Variants in GAP43 observed in about 807,000 individuals in gnomAD.
The protein encoded by GAP43 is neuromodulin.
Under a neutral mutation model 18.6 loss-of-function variants are expected in GAP43, and 6 were observed. That is an observed-to-expected ratio of 0.32 (90% CI 0.18 to 0.64). The LOEUF (loss-of-function observed/expected upper bound fraction) is 0.64, where lower values mean the gene tolerates loss of function less well. Ranked by LOEUF, GAP43 falls within the 30% of genes least tolerant of loss-of-function variation. The probability of loss-of-function intolerance (pLI) is 0.78; values close to 1 mark genes in which losing one functional copy is unlikely to be tolerated. For missense variants in GAP43, 292 were observed against 295.5 expected, an observed-to-expected ratio of 0.99 and a Z score of 0.09; for synonymous variants, 115 against 111.4, an observed-to-expected ratio of 1.03 and a Z score of -0.20.
intron 2 of GAP43, among the ~76,000 whole-genome samples, chr3:115,683,829 C>CT (rs199991064): frequency 2.0e-5 from 3 of 152,008 alleles, no homozygotes; most frequent in Admixed American, 6.6e-5. Flanking sequence ...TCTTCCAATT[C>CT]TTTTTTTTAA....
At chr3:115,698,153 T>TAAAATATATTAA (rs1709236182) in intron 2 of GAP43, among the ~76,000 whole-genome samples, 1 of 57,600 alleles carries the variant, frequency 1.7e-5, no homozygotes, top group Non-Finnish European at 3.1e-5. Context: ...ATATATTATA[T>TAAAATATATTAA]ATAATATATA....
Position 115,676,161 on chromosome 3 carries a change from A to G in GAP43, c.179A>G (p.Gln60Arg), listed in dbSNP as rs1391371261. 1 of 1,614,066 alleles carries G rather than the reference A, an allele frequency of 6.2e-7. No homozygotes were observed. Among genetic ancestry groups the G allele is most frequent in the Non-Finnish European group, 8.5e-7 (1 of 1,180,038 alleles). The change falls in exon 2 of 3, where the codon CAA becomes CGA. Residue 60 changes from glutamine to arginine, a missense_variant. Gln to Arg is a conservative substitution (Grantham distance 43, BLOSUM62 1). Coordinates refer to ENST00000305124, the MANE Select transcript of GAP43 (RefSeq NM_002045.4). The part of the protein sequence containing the change: ...KLKGEKKDDV[Q>R]AAEAEANKKD... ...AAAGGAGAGAAGAAGGATGATGTCC[A>G]AGCTGCTGAGGCTGAAGCTAATAAG...
intron 1 of GAP43, among the ~76,000 whole-genome samples, chr3:115,646,189 T>C (rs2028247): frequency 0.055 from 8,423 of 152,184 alleles, 518 homozygotes; most frequent in East Asian, 0.15. Flanking sequence ...AAACAGATTG[T>C]CTGGCCTAGG....
chr3:115,663,578 C>T (rs1287576255), intron 1 of GAP43: 3 of 1,303,004 alleles, frequency 2.3e-6, no homozygotes, highest in African/African-American at 1.5e-5. Flanking sequence ...TGAATTTTCC[C>T]TGTCAAAATC....
intron 2 of GAP43, among the ~76,000 whole-genome samples, chr3:115,701,379 A>G (rs1195691222): frequency 6.6e-6 from 1 of 151,902 alleles, no homozygotes; most frequent in Non-Finnish European, 1.5e-5. Flanking sequence ...TATCATTGTT[A>G]TTCCGGGGGT....
chr3:115,705,052 C>G (rs909197281), intron 2 of GAP43, among the ~76,000 whole-genome samples: 1 of 151,972 alleles, frequency 6.6e-6, no homozygotes, highest in African/African-American at 2.4e-5. Context: ...TGTGTAGATA[C>G]AGCCATAAGG....
intron 2 of GAP43, among the ~76,000 whole-genome samples, chr3:115,709,391 A>G (rs824345): frequency 0.99 from 151,214 of 152,286 alleles, 75,093 homozygotes; most frequent in East Asian, 1. Flanking sequence ...TTGAGTTTGC[A>G]AAGGCTGGAG....
rs555682207 is a variant in GAP43 at position 115,703,105 on chromosome 3, G to A, written c.629-17689G>A. ...TAAAGAGTACTTAAGGAAAGATAAA[G>A]AACAATGGTAAATGAGAAAAGGCCT... On this transcript the variant is annotated intron_variant, in intron 2 of 2. Transcript: ENST00000305124. Among the ~76,000 whole-genome samples the A allele has an allele frequency of 9.9e-5, 15 of 152,104 alleles. No individual in the cohort carries two copies. In the South Asian group the frequency reaches 3.1e-3, roughly 32 times the overall value.
Position 115,717,119 on chromosome 3 carries a change from G to A in GAP43, c.629-3675G>A, listed in dbSNP as rs530512711. Among the ~76,000 whole-genome samples the A allele has an allele frequency of 5.9e-5, 9 of 152,074 alleles. 1 individual carries two copies. In the South Asian group the frequency reaches 1.9e-3, roughly 32 times the overall value. ...TTCAGTGTCATCACCTGTAAAATGA[G>A]GCTGTCCAGTCATTCCTTCACTCAA... On this transcript the variant is annotated intron_variant, in intron 2 of 2. Coordinates refer to ENST00000305124, the MANE Select transcript of GAP43 (RefSeq NM_002045.4).
chr3:115,648,623 T>C (rs1708487071), intron 1 of GAP43, among the ~76,000 whole-genome samples: 1 of 151,992 alleles, frequency 6.6e-6, no homozygotes, highest in Non-Finnish European at 1.5e-5. Flanking sequence ...TAATTGAAGG[T>C]CCAGAAGTGG....
intron 2 of GAP43, among the ~76,000 whole-genome samples, chr3:115,679,859 C>G (rs1463593152): frequency 6.6e-6 from 1 of 152,156 alleles, no homozygotes; most frequent in African/African-American, 2.4e-5. Context: ...AAGTGTAGCT[C>G]TGAGTGACTT....
At chr3:115,656,788 C>T (rs58318048) in intron 1 of GAP43, among the ~76,000 whole-genome samples, 1 of 151,990 alleles carries the variant, frequency 6.6e-6, no homozygotes, top group African/African-American at 2.4e-5. Context: ...ACAGAAATAA[C>T]CTAAAATTTC....
chr3:115,720,013 G>A (rs1709556988), intron 2 of GAP43, among the ~76,000 whole-genome samples: 1 of 152,164 alleles, frequency 6.6e-6, no homozygotes, highest in Non-Finnish European at 1.5e-5. Flanking sequence ...GTGGATAAGT[G>A]TATTCAGTTG....
intron 1 of GAP43, among the ~76,000 whole-genome samples, chr3:115,673,058 C>A (rs989826495): frequency 6.6e-6 from 1 of 152,052 alleles, no homozygotes; most frequent in Non-Finnish European, 1.5e-5. Flanking sequence ...CTCCTGCTTC[C>A]CTTGAATTTC....
At chr3:115,625,810 T>A (rs1326155092) in intron 1 of GAP43, among the ~76,000 whole-genome samples, 1 of 152,218 alleles carries the variant, frequency 6.6e-6, no homozygotes, top group Non-Finnish European at 1.5e-5. Flanking sequence ...GAAATTCGCA[T>A]GTAAATGTAT....
intron 2 of GAP43, among the ~76,000 whole-genome samples, chr3:115,683,137 GCGCGCGCGCGCACACACACA>G (rs1200618704): frequency 4.1e-5 from 5 of 123,370 alleles, no homozygotes; most frequent in African/African-American, 1.6e-4. Flanking sequence ...GCGCGCGTGC[GCGCGCGCGCGCACACACACA>G]CACACACACA....
chr3:115,687,239 T>C (rs283374), intron 2 of GAP43, among the ~76,000 whole-genome samples: 141,163 of 152,156 alleles, frequency 0.93, 65,706 homozygotes, highest in East Asian at 0.98. Flanking sequence ...TGGACAGCAA[T>C]AAAAGAGTCA....
intron 2 of GAP43, among the ~76,000 whole-genome samples, chr3:115,708,651 G>C (rs1175642326): frequency 6.6e-6 from 1 of 152,158 alleles, no homozygotes; most frequent in African/African-American, 2.4e-5. Flanking sequence ...CAAAAGCAAG[G>C]GTACTGGAGT....
chr3:115,669,202 C>T (rs1202560532), intron 1 of GAP43, among the ~76,000 whole-genome samples: 2 of 152,054 alleles, frequency 1.3e-5, no homozygotes, highest in African/African-American at 4.8e-5. Context: ...TTATTATGAT[C>T]AATGGCGTTT....
Sources: gnomAD v4.1 joint callset for allele counts (sites outside exome capture counted in the v4.1 genomes callset) on GRCh38, gnomAD v4.1.1 for gene constraint, MANE v1.5 for transcripts, NCBI Gene and HGNC (gene_info 2026-07-23, HGNC 2026-07-21) for gene names.